Variants in ZBTB7C observed in about 807,000 individuals in gnomAD.
The protein encoded by ZBTB7C is zinc finger and BTB domain-containing protein 7C.
In ZBTB7C, 8 loss-of-function variants were observed where a neutral mutation model predicts 25.7. The ratio of observed to expected loss-of-function variants is 0.31; its 90% CI spans 0.18 to 0.56. The LOEUF is 0.56. Among genes scored for constraint, ZBTB7C ranks in the 20% least tolerant of loss-of-function variants. The pLI, the probability that ZBTB7C is intolerant of heterozygous loss-of-function variation, is 0.91. For synonymous variants in ZBTB7C, 394 were observed against 369.0 expected, an observed-to-expected ratio of 1.07 and a Z score of -0.78; for missense variants, 824 against 855.2, an observed-to-expected ratio of 0.96 and a Z score of 0.46.
At chr18:48,161,031 GT>G (rs1017247763) in intron 3 of ZBTB7C, among the ~76,000 whole-genome samples, 1 of 151,620 alleles carries the variant, frequency 6.6e-6, no homozygotes, top group Non-Finnish European at 1.5e-5. Flanking sequence ...CATGAGAAGG[GT>G]GTGGTTCCCA....
chr18:48,187,426 C>A (rs761577351), intron 2 of ZBTB7C, among the ~76,000 whole-genome samples: 1 of 152,122 alleles, frequency 6.6e-6, no homozygotes, highest in Non-Finnish European at 1.5e-5. Flanking sequence ...AACCTCCAGG[C>A]CATTATGCTA....
chr18:48,181,168 A>T (rs1480263557), intron 3 of ZBTB7C, among the ~76,000 whole-genome samples: 3 of 152,148 alleles, frequency 2.0e-5, no homozygotes, highest in Admixed American at 6.5e-5. Context: ...ATCTTCATAG[A>T]AGAGGGAACT....
chr18:48,273,588 T>C (rs571438338), intron 2 of ZBTB7C, among the ~76,000 whole-genome samples: 57 of 152,186 alleles, frequency 3.7e-4, no homozygotes, highest in African/African-American at 1.3e-3. Flanking sequence ...AAAGGGAAGA[T>C]AATTGAAAGG....
intron 2 of ZBTB7C, among the ~76,000 whole-genome samples, chr18:48,310,038 G>T (rs1280977841): frequency 2.6e-5 from 4 of 152,028 alleles, no homozygotes; most frequent in Non-Finnish European, 4.4e-5. Context: ...GACCATCCTG[G>T]CTAACACAGT....
intron 3 of ZBTB7C, among the ~76,000 whole-genome samples, chr18:48,120,635 T>C (rs1039074101): frequency 3.3e-5 from 5 of 151,024 alleles, no homozygotes; most frequent in African/African-American, 9.7e-5. Context: ...AAAAAAGAAG[T>C]GGTTAGGTCA....
chr18:48,198,103 T>C (rs1347614841), intron 2 of ZBTB7C, among the ~76,000 whole-genome samples: 4 of 152,252 alleles, frequency 2.6e-5, no homozygotes, highest in Non-Finnish European at 4.4e-5. Flanking sequence ...TTCCTTTCAT[T>C]GTTAAAAACA....
At chr18:48,329,773 A>G (rs187346827) in intron 2 of ZBTB7C, among the ~76,000 whole-genome samples, 2 of 152,334 alleles carry the variant, frequency 1.3e-5, no homozygotes, top group East Asian at 3.9e-4. Context: ...TAGATAAGGA[A>G]GCTGAGGCTC....
chr18:48,060,906 C>T (rs1043671202), intron 3 of ZBTB7C, among the ~76,000 whole-genome samples: 23 of 152,000 alleles, frequency 1.5e-4, no homozygotes, highest in African/African-American at 4.8e-4. Flanking sequence ...ACACCCATAG[C>T]CCGTAGAGTG....
At chr18:48,235,199 C>A (rs2043347812) in intron 2 of ZBTB7C, among the ~76,000 whole-genome samples, 2 of 152,024 alleles carry the variant, frequency 1.3e-5, no homozygotes, top group Admixed American at 1.3e-4. Context: ...ATTTATTTTA[C>A]CATTTTATAT....
At chr18:48,193,093 C>G (rs1324843303) in intron 2 of ZBTB7C, among the ~76,000 whole-genome samples, 2 of 152,226 alleles carry the variant, frequency 1.3e-5, no homozygotes, top group Non-Finnish European at 2.9e-5. Context: ...CTGCACGATC[C>G]TCCCAACTTG....
intron 1 of ZBTB7C, among the ~76,000 whole-genome samples, chr18:48,343,817 T>G (rs1598914196): frequency 6.6e-6 from 1 of 152,082 alleles, no homozygotes; most frequent in Non-Finnish European, 1.5e-5. Flanking sequence ...CTCTCTAAAC[T>G]TCCTGGCCCA....
At position 48,029,807 on chromosome 18, in the gene ZBTB7C, T is replaced by A. The variant is rs752223920; in HGVS notation, c.1313A>T (p.His438Leu). 6 of 1,609,138 alleles carry A rather than the reference T, an allele frequency of 3.7e-6. No homozygotes were observed. The highest frequency in any genetic ancestry group is 5.1e-6 in the Non-Finnish European group (6 of 1,179,990). Residue 438 changes from histidine to leucine, a missense_variant, in exon 5 of 5, where the codon CAC becomes CTC. By Grantham distance (99) the His-to-Leu change is moderately conservative. This residue lies in a region of ZBTB7C where 342 missense variants were observed against 307.0 expected (regional missense o/e 1.11). Transcript: ENST00000590800. Reference sequence around the variant, plus strand: ...CCGCACGCCCGTGTGGATGCGCATGTGGTTCTTGAGGTCGTAGTTGTGCAC... The same window carrying A: ...CCGCACGCCCGTGTGGATGCGCATGAGGTTCTTGAGGTCGTAGTTGTGCAC... Reference protein sequence around the residue: ...KFVHNYDLKNHMRIHTGVRPY... With the variant: ...KFVHNYDLKNLMRIHTGVRPY...
chr18:48,258,381 A>T (rs931140037), intron 2 of ZBTB7C, among the ~76,000 whole-genome samples: 3 of 152,236 alleles, frequency 2.0e-5, no homozygotes, highest in Admixed American at 6.5e-5. Flanking sequence ...CACGTTTGTG[A>T]TATATAAGAT....
intron 3 of ZBTB7C, among the ~76,000 whole-genome samples, chr18:48,134,267 AG>A (rs960507608): frequency 9.9e-5 from 15 of 152,202 alleles, no homozygotes; most frequent in Non-Finnish European, 2.1e-4. Context: ...TTTTAGAGGT[AG>A]TTATCTTAAA....
chr18:48,357,658 GC>G (rs1421391006), intron 1 of ZBTB7C, among the ~76,000 whole-genome samples: 1 of 152,102 alleles, frequency 6.6e-6, no homozygotes, highest in East Asian at 1.9e-4. Flanking sequence ...TTTGAACTTT[GC>G]CCCACCCAAC....
intron 3 of ZBTB7C, among the ~76,000 whole-genome samples, chr18:48,143,323 C>A (rs1180895128): frequency 6.6e-6 from 1 of 152,016 alleles, no homozygotes; most frequent in Non-Finnish European, 1.5e-5. Context: ...CCGGCACTTA[C>A]CTCCAAAGCA....
At chr18:48,141,915 C>T (rs2040361383) in intron 3 of ZBTB7C, among the ~76,000 whole-genome samples, 2 of 152,192 alleles carry the variant, frequency 1.3e-5, no homozygotes, top group African/African-American at 4.8e-5. Flanking sequence ...TGGCATGGCT[C>T]TATCACTTTC....
chr18:48,346,469 T>G (rs2046733494), intron 1 of ZBTB7C: 1 of 152,280 alleles, frequency 6.6e-6, no homozygotes, highest in Non-Finnish European at 1.5e-5. Context: ...CAACCCAGGG[T>G]TCTGAGTGAG....
intron 3 of ZBTB7C, among the ~76,000 whole-genome samples, chr18:48,119,361 C>T (rs188464989): frequency 6.7e-6 from 1 of 149,616 alleles, no homozygotes; most frequent in African/African-American, 2.5e-5. Context: ...GCAGGCGCAA[C>T]CCCAGCGCAG....
Sources: gnomAD v4.1 joint callset for allele counts (sites outside exome capture counted in the v4.1 genomes callset) on GRCh38, gnomAD v4.1.1 for gene constraint, gnomAD v4.1.1 regional missense constraint, MANE v1.5 for transcripts, NCBI Gene and HGNC (gene_info 2026-07-23, HGNC 2026-07-21) for gene names.